MYO7B: variants seen among roughly 807,000 people sequenced by gnomAD.
The protein encoded by MYO7B is myosin VIIB.
MYO7B carries 212 observed loss-of-function variants against 259.7 expected under a neutral mutation model. The ratio of observed to expected loss-of-function variants is 0.82; its 90% confidence interval spans 0.73 to 0.91. The LOEUF (loss-of-function observed/expected upper bound fraction) is 0.91, where lower values mean the gene tolerates loss of function less well. Ranked by LOEUF, MYO7B falls within the 40% of genes least tolerant of loss-of-function variation. The probability of loss-of-function intolerance (pLI) is 0.00; values close to 1 mark genes in which losing one functional copy is unlikely to be tolerated. For missense variants in MYO7B, 2,732 were observed against 2,813.5 expected, an observed-to-expected ratio of 0.97 and a Z score of 0.66; for synonymous variants, 1,197 against 1,166.4, an observed-to-expected ratio of 1.03 and a Z score of -0.54.
At position 127,593,446 on chromosome 2, in the gene MYO7B, T is replaced by C. The variant is rs909720854; in HGVS notation, c.2146-100T>C. The C allele has an allele frequency of 9.0e-5, 108 of 1,194,016 alleles. No individual in the cohort carries two copies. The African/African-American group carries it at 1.5e-3, about 16-fold the overall frequency. 74.0% of individuals were successfully genotyped at this position (1,194,016 alleles called of 1,614,324 possible). A position where few individuals can be genotyped will look rare whatever the true frequency, so the allele number is the denominator to read the frequency against. On this transcript the variant is annotated intron_variant, in intron 17 of 47. Coordinates refer to ENST00000409816, the MANE Select transcript of MYO7B (RefSeq NM_001393586.1). Reference sequence around the variant, plus strand: ...GGCGGGGGTGGGCGGCAGCCCCTGATGGGGGAGCCTGTGGGAGAAGGAGGG... The same window carrying C: ...GGCGGGGGTGGGCGGCAGCCCCTGACGGGGGAGCCTGTGGGAGAAGGAGGG...
In MYO7B at chr2:127,585,358, G is replaced by C. The variant is rs879515960; in HGVS notation, c.1690+445G>C. 6.6e-6 allele frequency among the ~76,000 whole-genome samples: 1 copy of C among 152,070 alleles called. No individual in the cohort carries two copies. The highest frequency in any genetic ancestry group is 2.4e-5 in the African/African-American group (1 of 41,384). The stretch of plus-strand genomic sequence containing the variant: ...ATATAATACGTGGTCTTCTGTGGCT[G>C]GTTTCTTTCACTTAGCATCATGTTT... On this transcript the variant is annotated intron_variant, in intron 14 of 47. Transcript: ENST00000409816. The surrounding 1 kb of genome is among the most constrained non-coding windows in gnomAD (Gnocchi z 4.3).
chr2:127,575,538 A>G (rs1678831966), intron 7 of MYO7B, among the ~76,000 whole-genome samples: 1 of 152,236 alleles, frequency 6.6e-6, no homozygotes, highest in Non-Finnish European at 1.5e-5. Flanking sequence ...AAAAAAAGGA[A>G]GTAGCAGAAC....
chr2:127,584,180 C>T lies in MYO7B; in HGVS notation c.1402C>T (p.His468Tyr). 1.9e-6 allele frequency: 3 copies of T among 1,613,988 alleles called. No individual in the cohort carries two copies. Among genetic ancestry groups the T allele is most frequent in the South Asian group, 2.2e-5 (2 of 91,082 alleles). The change falls in exon 13 of 48, where the codon CAC becomes TAC. Residue 468 changes from histidine to tyrosine, a missense_variant. Physicochemically the swap from His to Tyr is moderately conservative, Grantham distance 83. Around this residue, in one of 3 missense-constraint regions of MYO7B, gnomAD observed 1,906 missense variants for 2,026.4 expected, o/e 0.94. Transcript: ENST00000409816. The surrounding 1 kb of genome is among the most constrained non-coding windows in gnomAD (Gnocchi z 5.8). ...NEHLQQFFVQ[H>Y]VFTMEQEEYR... is the part of the protein sequence containing the mutation. ...GCACCTGCAGCAGTTCTTTGTGCAG[C>T]ACGTGTTCACCATGGAGCAAGAGGA...
In MYO7B at chr2:127,573,924, T is replaced by G; in HGVS notation, c.597T>G (p.Phe199Leu). ...VLEANPILEA[F>L]GNAKTIRNDN... ...GCATCGCCCGCTTACCTTCAGCCTT[T>G]GGAAATGCCAAGACAATCCGCAACG... Residue 199 changes from phenylalanine (F) to leucine (L), a missense_variant, in exon 7 of 48, where the codon TTT becomes TTG. Physicochemically the swap from Phe to Leu is conservative, Grantham distance 22 (BLOSUM62 0). This residue lies in a region of MYO7B where 1,906 missense variants were observed against 2,026.4 expected (regional missense o/e 0.94). Coordinates refer to ENST00000409816, the MANE Select transcript of MYO7B (RefSeq NM_001393586.1). The G allele has an allele frequency of 6.2e-7, 1 of 1,614,056 alleles. No homozygotes were observed. Among genetic ancestry groups the G allele is most frequent in the South Asian group, 1.1e-5 (1 of 91,092 alleles).
Position 127,627,451 on chromosome 2 carries a change from A to T in MYO7B, c.4460+141A>T. On this transcript the variant is annotated intron_variant, in intron 33 of 47. Coordinates refer to ENST00000409816, the MANE Select transcript of MYO7B (RefSeq NM_001393586.1). This position sits in a 1 kb window ranked among gnomAD's most constrained non-coding sequence, Gnocchi z 5.6. ...GGAGGGACAAGAATCTACGTATGCG[A>T]TGGCTTCTGTACTTCGGAGCCCCAC... 1 of 1,182,278 alleles carries T rather than the reference A, an allele frequency of 8.5e-7. No homozygotes were observed. The highest frequency in any genetic ancestry group is 1.2e-6 in the Non-Finnish European group (1 of 828,328). The allele number at this position is 1,182,278 out of a possible 1,614,324, so 73.2% of individuals were successfully genotyped here.
intron 1 of MYO7B, among the ~76,000 whole-genome samples, chr2:127,550,094 A>G (rs1693390055): frequency 6.6e-6 from 1 of 152,226 alleles, no homozygotes; most frequent in Non-Finnish European, 1.5e-5. Flanking sequence ...AACATCCCAG[A>G]AAAAGCTGTG....
intron 18 of MYO7B, among the ~76,000 whole-genome samples, chr2:127,594,878 T>A (rs979838721): frequency 6.6e-6 from 1 of 152,200 alleles, no homozygotes; most frequent in Non-Finnish European, 1.5e-5. Context: ...AGTTTGCCAG[T>A]ATTTTATTCA....
At chr2:127,626,857 A>C (rs1681153471) in intron 31 of MYO7B, 118 bp from the exon 32 acceptor site, 1 of 923,518 alleles carries the variant, frequency 1.1e-6, no homozygotes, top group Admixed American at 2.3e-5. Context: ...CCATCTCCAG[A>C]CACTGGCCTT....
chr2:127,636,954 A>C lies in MYO7B; in HGVS notation c.6327+41A>C, dbSNP rs1256409982. The C allele has an allele frequency of 1.2e-6, 2 of 1,604,236 alleles. No homozygotes were observed. The highest frequency in any genetic ancestry group is 4.5e-5 in the East Asian group (2 of 44,840). On this transcript the variant is annotated intron_variant, in intron 47 of 47. Coordinates refer to ENST00000409816, the MANE Select transcript of MYO7B (RefSeq NM_001393586.1). This position sits in a 1 kb window ranked among gnomAD's most constrained non-coding sequence, Gnocchi z 4.5. ...TTCTCCCATCCAAGATGCATAGGAC[A>C]GAGCTGCTGGAGACTGGGTTCCCCA...
rs1479504014 is a variant in MYO7B at position 127,597,697 on chromosome 2, C to T, written c.2339+1141C>T. On this transcript the variant is annotated intron_variant, in intron 19 of 47. Transcript: ENST00000409816. This position sits in a 1 kb window ranked among gnomAD's most constrained non-coding sequence, Gnocchi z 4.8. ...TCAACCAGGCTGGAGTACAGTGGCA[C>T]AATCTTGGCTCACTGCAACCTCTGC... Among the ~76,000 whole-genome samples, 1 of 151,994 alleles carries T rather than the reference C, an allele frequency of 6.6e-6. No individual in the cohort carries two copies. Among genetic ancestry groups the T allele is most frequent in the Admixed American group, 6.6e-5 (1 of 15,262 alleles).
At chr2:127,632,131 C>A in intron 38 of MYO7B, 115 bp from the exon 39 acceptor site, 1 of 1,253,552 alleles carries the variant, frequency 8.0e-7, no homozygotes, top group Non-Finnish European at 1.1e-6. Context: ...GGTGCCCTCC[C>A]CCTCGGGCCC....
rs751511792 is a variant in MYO7B, at chr2:127,631,616, GGGCGACTACCCTTCTCGGCAGGCCT to G, written c.5116_5140del (p.Asp1706ProfsTer28). 2 of 1,613,152 alleles carry G rather than the reference GGGCGACTACCCTTCTCGGCAGGCCT, an allele frequency of 1.2e-6. No homozygotes were observed. Among genetic ancestry groups the G allele is most frequent in the Non-Finnish European group, 1.7e-6 (2 of 1,179,822 alleles). Reference sequence around the variant, plus strand: ...CAGCCACACCCATCCTCCGGTACATGGGCGACTACCCTTCTCGGCAGGCCTGGCCCACCCTGGAGCTCACCGACCA... The same window carrying G: ...CAGCCACACCCATCCTCCGGTACATGGGCCCACCCTGGAGCTCACCGACCA... On this transcript the variant is annotated frameshift_variant, in exon 38 of 48. Transcript: ENST00000409816. LOFTEE classifies it high-confidence loss of function.
intron 1 of MYO7B, among the ~76,000 whole-genome samples, chr2:127,554,736 T>G (rs1693575041): frequency 6.6e-6 from 1 of 152,174 alleles, no homozygotes; most frequent in Non-Finnish European, 1.5e-5. Context: ...TGGTAATTTT[T>G]TTTATTACCA....
In MYO7B at chr2:127,607,431, G is replaced by A. The variant is rs1287456214; in HGVS notation, c.2643+7G>A. ...CCAGCAAAGGAAGGCCAATGTAGGT[G>A]GTCACCTGGCCTCTTGGGCAGGTGG... On this transcript the variant is annotated splice_region_variant and intron_variant, in intron 21 of 47. Coordinates refer to ENST00000409816, the MANE Select transcript of MYO7B (RefSeq NM_001393586.1). The surrounding 1 kb of genome is among the most constrained non-coding windows in gnomAD (Gnocchi z 4.4). 6.4e-7 allele frequency: 1 copy of A among 1,550,450 alleles called. No homozygotes were observed. Among genetic ancestry groups the A allele is most frequent in the Admixed American group, 2.0e-5 (1 of 50,986 alleles).
chr2:127,629,477 G>A (rs141320500), intron 34 of MYO7B, among the ~76,000 whole-genome samples, 168 bp from the exon 35 acceptor site: 1 of 152,166 alleles, frequency 6.6e-6, no homozygotes, highest in Non-Finnish European at 1.5e-5. Context: ...GGTGACAGCC[G>A]TCTGAGGCCC....
chr2:127,566,625 C>T lies in MYO7B; in HGVS notation c.286-18C>T. 2 of 1,553,826 alleles carry T rather than the reference C, an allele frequency of 1.3e-6. No homozygotes were observed. The highest frequency in any genetic ancestry group is 1.7e-6 in the Non-Finnish European group (2 of 1,150,974). On this transcript the variant is annotated intron_variant, in intron 4 of 47. Transcript: ENST00000409816. ...TCTGCCAGGGGCAGAGGGCACTGAC[C>T]ACCTGCTTCCTTCCCAGACATACAC... is the stretch of plus-strand genomic sequence containing the variant.
rs1053655449 is a variant in MYO7B at position 127,597,518 on chromosome 2, A to G, written c.2339+962A>G. Among the ~76,000 whole-genome samples, 6 of 152,152 alleles carry G rather than the reference A, an allele frequency of 3.9e-5. No individual in the cohort carries two copies. The highest frequency in any genetic ancestry group is 1.4e-4 in the African/African-American group (6 of 41,416). On this transcript the variant is annotated intron_variant, in intron 19 of 47. Coordinates refer to ENST00000409816, the MANE Select transcript of MYO7B (RefSeq NM_001393586.1). This position sits in a 1 kb window ranked among gnomAD's most constrained non-coding sequence, Gnocchi z 4.8. ...AGAATGTTGCCATTGCACAAATGTT[A>G]TATACGTGGAATTATACAACATGCA...
At chr2:127,637,001 T>A in intron 47 of MYO7B, 88 bp downstream of exon 47, 1 of 1,564,552 alleles carries the variant, frequency 6.4e-7, no homozygotes, top group East Asian at 2.3e-5. Context: ...TTCAAGTGGC[T>A]CACTAAGAGG....
Position 127,584,181 on chromosome 2 carries a change from A to T in MYO7B, c.1403A>T (p.His468Leu). The change falls in exon 13 of 48, where the codon CAC (histidine) becomes CTC (leucine). Residue 468 changes from histidine (H) to leucine (L), a missense_variant. Around this residue, in one of 3 missense-constraint regions of MYO7B, gnomAD observed 1,906 missense variants for 2,026.4 expected, o/e 0.94. Coordinates refer to ENST00000409816, the MANE Select transcript of MYO7B (RefSeq NM_001393586.1). The surrounding 1 kb of genome is among the most constrained non-coding windows in gnomAD (Gnocchi z 5.8). Reference sequence around the variant, plus strand: ...CACCTGCAGCAGTTCTTTGTGCAGCACGTGTTCACCATGGAGCAAGAGGAG... The same window carrying T: ...CACCTGCAGCAGTTCTTTGTGCAGCTCGTGTTCACCATGGAGCAAGAGGAG... ...NEHLQQFFVQHVFTMEQEEYR... is the reference protein window; with the variant it reads ...NEHLQQFFVQLVFTMEQEEYR... 1 of 1,613,974 alleles carries T rather than the reference A, an allele frequency of 6.2e-7. No homozygotes were observed. The highest frequency in any genetic ancestry group is 8.5e-7 in the Non-Finnish European group (1 of 1,179,888).
Sources: allele counts gnomAD v4.1 joint callset (sites outside exome capture counted in the v4.1 genomes callset), GRCh38; gene constraint gnomAD v4.1.1; regional missense constraint gnomAD v4.1.1; non-coding constraint Gnocchi (gnomAD v3.1); transcripts MANE v1.5; gene names NCBI Gene and HGNC (gene_info 2026-07-23, HGNC 2026-07-21).